The following SLCO1A2 variants were observed in gnomAD, a reference collection of about 807,000 sequenced individuals.
The protein encoded by SLCO1A2 is OATP-1.
SLCO1A2 carries 67 observed loss-of-function variants against 69.0 expected under a neutral mutation model. That is an observed-to-expected ratio of 0.97 (90% CI 0.80 to 1.19). SLCO1A2 has a LOEUF of 1.19. Ranked by LOEUF, SLCO1A2 falls within the 50% of genes most tolerant of loss-of-function variation. SLCO1A2 has a pLI of 0.00. For synonymous variants in SLCO1A2, 260 were observed against 265.9 expected, an observed-to-expected ratio of 0.98 and a Z score of 0.22; for missense variants, 787 against 793.7, an observed-to-expected ratio of 0.99 and a Z score of 0.10.
At chr12:21,282,394 TA>T (rs35461166) in intron 12 of SLCO1A2, among the ~76,000 whole-genome samples, 26,907 of 146,008 alleles carry the variant, frequency 0.18, 3,020 homozygotes, top group African/African-American at 0.32. Context: ...CGCTTTATGG[TA>T]AAAAAAAAAA....
In SLCO1A2 at chr12:21,294,056, A is replaced by C; in HGVS notation, c.1326T>G (p.Asp442Glu). 1 of 1,610,244 alleles carries C rather than the reference A, an allele frequency of 6.2e-7. No homozygotes were observed. Among genetic ancestry groups the C allele is most frequent in the Non-Finnish European group, 8.5e-7 (1 of 1,178,420 alleles). The change falls in exon 11 of 15, where the codon GAT becomes GAG. Residue 442 changes from aspartate (D) to glutamate (E), a missense_variant. Physicochemically the swap from Asp to Glu is conservative, Grantham distance 45. Coordinates refer to ENST00000683939, the MANE Select transcript of SLCO1A2 (RefSeq NM_001386879.1). ...CCCATATTTTAGATGGACAGTTGCA[A>C]TCCACATTGCAATCAGCAAAGATGT... ...ENDIFADCNVDCNCPSKIWDP... is the reference protein window; with the variant it reads ...ENDIFADCNVECNCPSKIWDP...
intron 4 of SLCO1A2, among the ~76,000 whole-genome samples, chr12:21,312,268 A>G (rs573704435): frequency 6.6e-6 from 1 of 152,210 alleles, no homozygotes; most frequent in Non-Finnish European, 1.5e-5. Flanking sequence ...CTTAAACCTC[A>G]TGAACCCACC....
intron 2 of SLCO1A2, among the ~76,000 whole-genome samples, chr12:21,361,092 G>A (rs992100249): frequency 1.3e-5 from 2 of 152,208 alleles, no homozygotes; most frequent in African/African-American, 4.8e-5. Flanking sequence ...GCCTCCTCAA[G>A]TGGGTCCCTG....
intron 1 of SLCO1A2, among the ~76,000 whole-genome samples, chr12:21,404,202 T>C (rs1264514803): frequency 1.3e-5 from 2 of 152,136 alleles, no homozygotes; most frequent in South Asian, 4.1e-4. Flanking sequence ...TAATTTGTAA[T>C]GGAGTGGATA....
At chr12:21,299,770 GTA>G (rs749456623) in intron 8 of SLCO1A2, among the ~76,000 whole-genome samples, 58 of 129,692 alleles carry the variant, frequency 4.5e-4, no homozygotes, top group South Asian at 2.1e-3. Context: ...ATATACGTGT[GTA>G]TATATATATA....
intron 12 of SLCO1A2, among the ~76,000 whole-genome samples, chr12:21,277,731 A>G (rs1944128704): frequency 6.6e-6 from 1 of 152,184 alleles, no homozygotes; most frequent in Admixed American, 6.5e-5. Context: ...TGAGCAGCCT[A>G]GATCCCTCAC....
intron 1 of SLCO1A2, among the ~76,000 whole-genome samples, chr12:21,374,819 G>GTATCTC (rs1940072460): frequency 6.7e-6 from 1 of 148,266 alleles, no homozygotes; most frequent in Admixed American, 6.7e-5. Context: ...TTGAGACAGG[G>GTATCTC]TCTCTCTCTC....
chr12:21,298,609 A>G (rs1465265762), intron 8 of SLCO1A2, among the ~76,000 whole-genome samples: 1 of 152,188 alleles, frequency 6.6e-6, no homozygotes, highest in Non-Finnish European at 1.5e-5. Flanking sequence ...ATTTATGAAT[A>G]GGGTACCTGA....
At chr12:21,317,574 G>A (rs1012899215) in intron 3 of SLCO1A2, among the ~76,000 whole-genome samples, 8 of 151,994 alleles carry the variant, frequency 5.3e-5, no homozygotes, top group Admixed American at 1.3e-4. Flanking sequence ...TCTACCTTCC[G>A]TTAGATTATG....
intron 1 of SLCO1A2, among the ~76,000 whole-genome samples, chr12:21,386,574 G>A (rs77118621): frequency 0.013 from 2,027 of 152,114 alleles, 36 homozygotes; most frequent in African/African-American, 0.046. Flanking sequence ...CATGTAAGAC[G>A]TGTGTTTGCT....
intron 2 of SLCO1A2, among the ~76,000 whole-genome samples, chr12:21,331,400 T>C (rs7978981): frequency 0.37 from 55,822 of 151,984 alleles, 10,935 homozygotes; most frequent in African/African-American, 0.5. Context: ...TTTTTTTCAG[T>C]TATGAGGAAT....
intron 2 of SLCO1A2, among the ~76,000 whole-genome samples, chr12:21,362,664 G>A (rs765897770): frequency 2.6e-5 from 4 of 152,118 alleles, no homozygotes; most frequent in Non-Finnish European, 4.4e-5. Context: ...CATCTCACAC[G>A]CAGAGACACG....
chr12:21,314,012 A>G (rs1162366639), intron 4 of SLCO1A2, among the ~76,000 whole-genome samples: 1 of 151,614 alleles, frequency 6.6e-6, no homozygotes, highest in East Asian at 1.9e-4. Context: ...AAAAGAAAGA[A>G]ATTGGTGGCA....
chr12:21,413,827 T>C (rs1435861974), intron 1 of SLCO1A2, among the ~76,000 whole-genome samples: 1 of 152,062 alleles, frequency 6.6e-6, no homozygotes, highest in African/African-American at 2.4e-5. Flanking sequence ...GCTGTTTGAA[T>C]AGATTTACTG....
At position 21,312,303 on chromosome 12, in the gene SLCO1A2, T is replaced by C. The variant is rs553096496; in HGVS notation, c.335+2246A>G. Among the ~76,000 whole-genome samples the C allele has an allele frequency of 3.9e-5, 6 of 152,352 alleles. No individual in the cohort carries two copies. The East Asian group carries it at 7.7e-4, about 20-fold the overall frequency. The stretch of plus-strand genomic sequence containing the variant: ...CTCTCTTGGCTTAAAAATTTCCTTC[T>C]GCAGCTTCCTAATCTCTCTTAACTT... On this transcript the variant is annotated intron_variant, in intron 4 of 14. Transcript: ENST00000683939.
intron 1 of SLCO1A2, among the ~76,000 whole-genome samples, chr12:21,402,136 C>CAA (rs1177696706): frequency 1.0e-5 from 1 of 98,162 alleles, no homozygotes; most frequent in Non-Finnish European, 2.2e-5. Context: ...TTAAAAAAGA[C>CAA]AAAAAAAAAA....
At chr12:21,398,368 T>C (rs1941556145), upstream of SLCO1A2, among the ~76,000 whole-genome samples, 1 of 124,614 alleles carries the variant, frequency 8.0e-6, no homozygotes, top group Non-Finnish European at 1.8e-5. Flanking sequence ...GAGCTGAAAT[T>C]GTGGCAATAA....
intron 4 of SLCO1A2, among the ~76,000 whole-genome samples, chr12:21,309,633 A>G (rs1453676278): frequency 6.6e-6 from 1 of 152,194 alleles, no homozygotes; most frequent in Non-Finnish European, 1.5e-5. Context: ...CAGATATACA[A>G]AGTCTTACAT....
At chr12:21,337,449 A>G (rs1209770674), upstream of SLCO1A2, among the ~76,000 whole-genome samples, 1 of 151,984 alleles carries the variant, frequency 6.6e-6, no homozygotes, top group African/African-American at 2.4e-5. Flanking sequence ...CTACTCTCAA[A>G]TTAATGAAAT....
Sources: allele counts gnomAD v4.1 joint callset (sites outside exome capture counted in the v4.1 genomes callset), GRCh38; gene constraint gnomAD v4.1.1; transcripts MANE v1.5; gene names NCBI Gene and HGNC (gene_info 2026-07-23, HGNC 2026-07-21).